GABBR2: variants seen among roughly 807,000 people sequenced by gnomAD.
GABBR2 encodes G-protein coupled receptor 51.
GABBR2 carries 23 observed loss-of-function variants against 105.6 expected under a neutral mutation model. That is an observed-to-expected ratio of 0.22 (90% confidence interval 0.16 to 0.31). GABBR2 has a LOEUF of 0.31. Ranked by LOEUF, GABBR2 falls within the 10% of genes least tolerant of loss-of-function variation. GABBR2 has a pLI of 1.00. For synonymous variants in GABBR2, 478 were observed against 499.7 expected (o/e 0.96, Z 0.58); for missense variants, 734 against 1,245.5 (o/e 0.59, Z 6.18).
chr9:98,601,372 C>T (rs976257585), intron 1 of GABBR2, among the ~76,000 whole-genome samples: 5 of 152,096 alleles, frequency 3.3e-5, no homozygotes, highest in Admixed American at 2.6e-4. Flanking sequence ...TTGAAATTAG[C>T]CGTGCATGGC....
chr9:98,476,619 C>G (rs1233881331), intron 5 of GABBR2, among the ~76,000 whole-genome samples: 1 of 152,226 alleles, frequency 6.6e-6, no homozygotes, highest in Non-Finnish European at 1.5e-5. Flanking sequence ...CTCTTCTCCT[C>G]TTGGTAACCC....
chr9:98,388,800 ATAGGC>A lies in GABBR2; in HGVS notation c.1529+49_1529+53del. 6.8e-7 allele frequency: 1 copy of A among 1,480,338 alleles called. No individual in the cohort carries two copies. The highest frequency in any genetic ancestry group is 1.7e-5 in the Admixed American group (1 of 58,086). 91.7% of individuals were successfully genotyped at this position (1,480,338 alleles called of 1,614,324 possible). A position where few individuals can be genotyped will look rare whatever the true frequency, so the allele number is the denominator to read the frequency against. ...CATGTGGCACTCCTATACTGTGTCCATAGGCTTGTCAATTTAGAAAGTGATATCAC... is the reference window on the plus strand; with the variant it reads ...CATGTGGCACTCCTATACTGTGTCCATTGTCAATTTAGAAAGTGATATCAC... On this transcript the variant is annotated intron_variant, in intron 10 of 18. Coordinates refer to ENST00000259455, the MANE Select transcript of GABBR2 (RefSeq NM_005458.8). This position sits in a 1 kb window ranked among gnomAD's most constrained non-coding sequence, Gnocchi z 4.4.
At chr9:98,572,298 A>G (rs939287807) in intron 2 of GABBR2, among the ~76,000 whole-genome samples, 1 of 151,994 alleles carries the variant, frequency 6.6e-6, no homozygotes, top group African/African-American at 2.4e-5. Context: ...GTTAAATTTA[A>G]CCCGTTTCAG....
chr9:98,680,493 T>G (rs192967999), intron 1 of GABBR2, among the ~76,000 whole-genome samples: 2 of 152,084 alleles, frequency 1.3e-5, no homozygotes, highest in East Asian at 1.9e-4. Context: ...ATTTTTTTAG[T>G]AGAGACGGGG....
intron 13 of GABBR2, among the ~76,000 whole-genome samples, chr9:98,325,064 G>A (rs1425935248): frequency 6.6e-6 from 1 of 152,072 alleles, no homozygotes; most frequent in Non-Finnish European, 1.5e-5. Context: ...TTAGGGTACA[G>A]TCTCTGCCAA....
chr9:98,604,592 GGAA>G (rs1829385236), intron 1 of GABBR2, among the ~76,000 whole-genome samples: 1 of 152,206 alleles, frequency 6.6e-6, no homozygotes, highest in African/African-American at 2.4e-5. Flanking sequence ...AACACTCACT[GGAA>G]GATTGGTCCT....
At chr9:98,702,488 G>C (rs368002086) in intron 1 of GABBR2, among the ~76,000 whole-genome samples, 1 of 152,240 alleles carries the variant, frequency 6.6e-6, no homozygotes, top group East Asian at 1.9e-4. Flanking sequence ...CACCAGCCTT[G>C]ATAGGATCAC....
chr9:98,672,109 G>T (rs1445040866), intron 1 of GABBR2, among the ~76,000 whole-genome samples: 1 of 152,096 alleles, frequency 6.6e-6, no homozygotes, highest in African/African-American at 2.4e-5. Context: ...AAAATGCACA[G>T]TTCAGTAGTG....
chr9:98,349,542 G>A (rs181177137), intron 13 of GABBR2, among the ~76,000 whole-genome samples: 59 of 151,968 alleles, frequency 3.9e-4, no homozygotes, highest in African/African-American at 1.3e-3. Flanking sequence ...TTTCAGTAGA[G>A]ATGGGGTTTC....
In GABBR2 at chr9:98,536,270, A is replaced by C. The variant is rs1195445969; in HGVS notation, c.630+5603T>G. Among the ~76,000 whole-genome samples the C allele has an allele frequency of 3.9e-5, 6 of 152,254 alleles. No individual in the cohort carries two copies. In the East Asian group the frequency reaches 9.7e-4, roughly 24 times the overall value. Reference sequence around the variant, plus strand: ...CCATAAGCTCACATCCTAGAATCCAAAATTCTTTGAGCTAGGAGGGATCTT... The same window carrying C: ...CCATAAGCTCACATCCTAGAATCCACAATTCTTTGAGCTAGGAGGGATCTT... On this transcript the variant is annotated intron_variant, in intron 3 of 18. Transcript: ENST00000259455.
chr9:98,331,874 A>G (rs1245305260), intron 13 of GABBR2, among the ~76,000 whole-genome samples: 1 of 152,194 alleles, frequency 6.6e-6, no homozygotes, highest in Non-Finnish European at 1.5e-5. Context: ...GAATGAGCCA[A>G]ATGAGACTGA....
At chr9:98,655,949 T>C (rs921478523) in intron 1 of GABBR2, among the ~76,000 whole-genome samples, 2 of 152,168 alleles carry the variant, frequency 1.3e-5, no homozygotes, top group Admixed American at 1.3e-4. Flanking sequence ...CAAACCTGCA[T>C]GTTCTGCCCA....
At chr9:98,294,013 C>A (rs1830343210) in intron 17 of GABBR2, 111 bp from the exon 18 acceptor site, 3 of 739,180 alleles carry the variant, frequency 4.1e-6, no homozygotes, top group Non-Finnish European at 7.3e-6. Context: ...CAAAAGAGCC[C>A]ATTATCCCTC....
chr9:98,559,975 AACAC>A (rs3029105), intron 2 of GABBR2, among the ~76,000 whole-genome samples: 53 of 150,352 alleles, frequency 3.5e-4, no homozygotes, highest in East Asian at 1.6e-3. Flanking sequence ...ATGAGGAACA[AACAC>A]ACACACACAC....
At chr9:98,506,004 A>G (rs963549895) in intron 3 of GABBR2, among the ~76,000 whole-genome samples, 5 of 152,202 alleles carry the variant, frequency 3.3e-5, no homozygotes, top group Admixed American at 6.5e-5. Flanking sequence ...TGCTCACATC[A>G]CATGTCAAGG....
At chr9:98,500,196 A>C (rs926193958) in intron 3 of GABBR2, among the ~76,000 whole-genome samples, 46 of 152,270 alleles carry the variant, frequency 3.0e-4, no homozygotes, top group African/African-American at 1.1e-3. Context: ...TGGGAAAGGA[A>C]TAACTCTTAA....
At chr9:98,404,191 C>T (rs1804545440) in intron 8 of GABBR2, among the ~76,000 whole-genome samples, 2 of 124,160 alleles carry the variant, frequency 1.6e-5, no homozygotes, top group Non-Finnish European at 3.6e-5. Context: ...AATTTAGTTG[C>T]AATCACTCAA....
At chr9:98,514,402 AAT>A (rs1827716104) in intron 3 of GABBR2, among the ~76,000 whole-genome samples, 1 of 1,274 alleles carries the variant, frequency 7.8e-4, no homozygotes, top group East Asian at 0.036. Flanking sequence ...CTTAAAGTAT[AAT>A]AATAATAATA....
At chr9:98,469,517 C>T (rs1288735814) in intron 6 of GABBR2, among the ~76,000 whole-genome samples, 2 of 152,188 alleles carry the variant, frequency 1.3e-5, no homozygotes, top group African/African-American at 4.8e-5. Flanking sequence ...AGAGATCCCT[C>T]CACTCCATGC....
Sources: allele counts gnomAD v4.1 joint callset (sites outside exome capture counted in the v4.1 genomes callset), GRCh38; gene constraint gnomAD v4.1.1; non-coding constraint Gnocchi (gnomAD v3.1); transcripts MANE v1.5; gene names NCBI Gene and HGNC (gene_info 2026-07-23, HGNC 2026-07-21).